ZMAT4: variants seen among roughly 807,000 people sequenced by gnomAD.
ZMAT4 encodes zinc finger matrin-type protein 4.
ZMAT4 carries 17 observed loss-of-function variants against 28.7 expected under a neutral mutation model. That is an observed-to-expected ratio of 0.59 (90% CI 0.41 to 0.89). The LOEUF (loss-of-function observed/expected upper bound fraction) is 0.89. Ranked by LOEUF, ZMAT4 falls within the 40% of genes least tolerant of loss-of-function variation. The probability of loss-of-function intolerance (pLI) is 0.00; values close to 1 mark genes in which losing one functional copy is unlikely to be tolerated. For missense variants in ZMAT4, 240 were observed against 283.8 expected (o/e 0.85, Z 1.11); for synonymous variants, 117 against 109.2 (o/e 1.07, Z -0.44).
At chr8:40,540,807 C>A (rs1373933529) in intron 6 of ZMAT4, among the ~76,000 whole-genome samples, 1 of 152,172 alleles carries the variant, frequency 6.6e-6, no homozygotes, top group Non-Finnish European at 1.5e-5. Context: ...AGTAGCAAAC[C>A]TCTCTGATTC....
chr8:40,738,259 G>C (rs1289225789), intron 3 of ZMAT4, among the ~76,000 whole-genome samples: 2 of 152,184 alleles, frequency 1.3e-5, no homozygotes, highest in Non-Finnish European at 2.9e-5. Flanking sequence ...GCATTATTAA[G>C]AAACAAACAT....
intron 5 of ZMAT4, among the ~76,000 whole-genome samples, chr8:40,654,199 C>G (rs908575786): frequency 6.6e-6 from 1 of 152,172 alleles, no homozygotes; most frequent in Non-Finnish European, 1.5e-5. Flanking sequence ...TCATGGCTCT[C>G]TAGCCCAGAG....
At chr8:40,779,190 C>A (rs989082016) in intron 2 of ZMAT4, among the ~76,000 whole-genome samples, 1 of 152,050 alleles carries the variant, frequency 6.6e-6, no homozygotes, top group Non-Finnish European at 1.5e-5. Context: ...TAAGTGGAAA[C>A]CTCTCTTGCT....
Position 40,544,189 on chromosome 8 carries a change from C to CT in ZMAT4, c.675-11952dup, listed in dbSNP as rs1197114168. Among the ~76,000 whole-genome samples, 21 of 152,080 alleles carry CT rather than the reference C, an allele frequency of 1.4e-4. 1 individual carries two copies. The highest frequency in any genetic ancestry group is 4.6e-4 in the African/African-American group (19 of 41,418). Reference sequence around the variant, plus strand: ...GCAAAGGGCTGAAGGTGCCATCTGGCTTTTTTGTGCTGCTTATAGTAAACT... The same window carrying CT: ...GCAAAGGGCTGAAGGTGCCATCTGGCTTTTTTTGTGCTGCTTATAGTAAACT... On this transcript the variant is annotated intron_variant, in intron 6 of 6. Transcript: ENST00000297737.
chr8:40,853,408 T>G (rs1442524549), intron 1 of ZMAT4, among the ~76,000 whole-genome samples: 2 of 151,958 alleles, frequency 1.3e-5, no homozygotes, highest in African/African-American at 4.8e-5. Flanking sequence ...ACAAAAAACT[T>G]AGCTGGGTGT....
chr8:40,608,485 C>T (rs752819378), intron 5 of ZMAT4, among the ~76,000 whole-genome samples: 17 of 152,156 alleles, frequency 1.1e-4, no homozygotes, highest in Non-Finnish European at 2.2e-4. Flanking sequence ...AGAATAAGTC[C>T]CATGCTACAA....
At chr8:40,854,329 T>C (rs1817220321) in intron 1 of ZMAT4, among the ~76,000 whole-genome samples, 1 of 152,202 alleles carries the variant, frequency 6.6e-6, no homozygotes, top group South Asian at 2.1e-4. Flanking sequence ...TGACTTTATG[T>C]AGACACAATT....
chr8:40,755,590 C>A, intron 3 of ZMAT4, among the ~76,000 whole-genome samples: 1 of 152,120 alleles, frequency 6.6e-6, no homozygotes, highest in Middle Eastern at 3.4e-3. Context: ...GAAGCTGGGA[C>A]TACAGGCATG....
intron 1 of ZMAT4, among the ~76,000 whole-genome samples, chr8:40,830,694 T>C (rs369064595): frequency 2.6e-5 from 4 of 152,198 alleles, no homozygotes; most frequent in African/African-American, 9.7e-5. Flanking sequence ...AAGCATTATG[T>C]TAAAAAGATT....
intron 5 of ZMAT4, among the ~76,000 whole-genome samples, chr8:40,604,799 A>G (rs1216097211): frequency 2.0e-5 from 3 of 152,176 alleles, no homozygotes; most frequent in Non-Finnish European, 4.4e-5. Flanking sequence ...TAAGGTTGGT[A>G]TCAATTCTTC....
intron 1 of ZMAT4, among the ~76,000 whole-genome samples, chr8:40,875,611 G>C (rs1002590133): frequency 2.0e-5 from 3 of 152,132 alleles, no homozygotes; most frequent in Non-Finnish European, 2.9e-5. Context: ...TATCTTCATG[G>C]GCCATGGGGG....
chr8:40,668,640 G>A (rs1808542691), intron 5 of ZMAT4, among the ~76,000 whole-genome samples: 1 of 152,108 alleles, frequency 6.6e-6, no homozygotes, highest in African/African-American at 2.4e-5. Context: ...GAAGGGATAG[G>A]CTAACTCTAC....
At chr8:40,652,599 C>A (rs910661076) in intron 5 of ZMAT4, among the ~76,000 whole-genome samples, 1 of 117,338 alleles carries the variant, frequency 8.5e-6, no homozygotes, top group Non-Finnish European at 1.8e-5. Flanking sequence ...ACCCAAATGA[C>A]TATAAATCAT....
chr8:40,665,715 G>T (rs979112318), intron 5 of ZMAT4, among the ~76,000 whole-genome samples: 1 of 152,146 alleles, frequency 6.6e-6, no homozygotes. Context: ...TTAAACAAAA[G>T]AGTTAATTAC....
At chr8:40,698,516 T>TGGC (rs1272406203) in intron 3 of ZMAT4, among the ~76,000 whole-genome samples, 4 of 152,200 alleles carry the variant, frequency 2.6e-5, no homozygotes, top group Admixed American at 6.5e-5. Context: ...AATGAGTATA[T>TGGC]GGCCCCACAA....
intron 6 of ZMAT4, among the ~76,000 whole-genome samples, chr8:40,559,039 C>G (rs1220529199): frequency 2.6e-5 from 4 of 152,304 alleles, no homozygotes; most frequent in African/African-American, 9.6e-5. Context: ...TTAACTGCCA[C>G]AGGTTTGTCT....
intron 5 of ZMAT4, among the ~76,000 whole-genome samples, chr8:40,582,192 C>A (rs1264417058): frequency 6.6e-6 from 1 of 152,142 alleles, no homozygotes; most frequent in Admixed American, 6.5e-5. Context: ...CAAGGCTGAT[C>A]ACATCACCAG....
chr8:40,646,022 G>T (rs1257994301), intron 5 of ZMAT4, among the ~76,000 whole-genome samples: 2 of 151,938 alleles, frequency 1.3e-5, no homozygotes, highest in Non-Finnish European at 2.9e-5. Context: ...ACACAAAGAA[G>T]TGTCTCCATT....
chr8:40,654,892 C>T (rs1563391140), intron 5 of ZMAT4, among the ~76,000 whole-genome samples: 2 of 152,072 alleles, frequency 1.3e-5, no homozygotes, highest in Admixed American at 1.3e-4. Flanking sequence ...AGAAATAAGA[C>T]AAGTATGCCC....
Sources: allele counts gnomAD v4.1 joint callset (sites outside exome capture counted in the v4.1 genomes callset), GRCh38; gene constraint gnomAD v4.1.1; transcripts MANE v1.5; gene names NCBI Gene and HGNC (gene_info 2026-07-23, HGNC 2026-07-21).